Variants in EVI5 observed in about 807,000 individuals in gnomAD.
EVI5 encodes the protein ecotropic viral integration site 5.
Under a neutral mutation model 112.0 loss-of-function variants are expected in EVI5, and 73 were observed. The observed-to-expected ratio is 0.65, with a 90% confidence interval of 0.54 to 0.79. EVI5 has a LOEUF of 0.79. EVI5 is among the 30% of genes least tolerant of loss of function. The probability of loss-of-function intolerance (pLI) is 0.00; values close to 1 mark genes in which losing one functional copy is unlikely to be tolerated. For missense variants in EVI5, 900 were observed against 968.8 expected (o/e 0.93, Z 0.94); for synonymous variants, 305 against 319.9 (o/e 0.95, Z 0.50).
chr1:92,553,394 C>T (rs1010727504), intron 19 of EVI5, among the ~76,000 whole-genome samples: 1 of 151,304 alleles, frequency 6.6e-6, no homozygotes, highest in Non-Finnish European at 1.5e-5. Context: ...CCTCTGCCTC[C>T]TGGGTTCAAG....
chr1:92,700,918 T>C (rs747597199), intron 5 of EVI5: 1 of 152,224 alleles, frequency 6.6e-6, no homozygotes, highest in Non-Finnish European at 1.5e-5. Flanking sequence ...GCTACGATAC[T>C]GCCACTGCGC....
intron 19 of EVI5, among the ~76,000 whole-genome samples, chr1:92,562,300 C>A (rs1289637336): frequency 1.3e-5 from 2 of 152,048 alleles, no homozygotes; most frequent in Non-Finnish European, 2.9e-5. Context: ...GAGGCTGAGA[C>A]GGGCGGATCA....
At chr1:92,713,932 A>C in intron 2 of EVI5, 1 of 733,020 alleles carries the variant, frequency 1.4e-6, no homozygotes, top group Non-Finnish European at 1.7e-6. Context: ...TGGCTCACTC[A>C]AAATTTAAAT....
At chr1:92,515,445 A>G (rs568472676) in intron 19 of EVI5, among the ~76,000 whole-genome samples, 1 of 152,190 alleles carries the variant, frequency 6.6e-6, no homozygotes, top group Non-Finnish European at 1.5e-5. Context: ...TCTGCCCTCA[A>G]GAGTTTATGT....
At chr1:92,635,740 G>A (rs1422218782) in intron 14 of EVI5, among the ~76,000 whole-genome samples, 1 of 152,060 alleles carries the variant, frequency 6.6e-6, no homozygotes, top group African/African-American at 2.4e-5. Flanking sequence ...CTTCTGCGTC[G>A]CTCACACTGG....
At chr1:92,635,175 C>T (rs75862081) in intron 14 of EVI5, among the ~76,000 whole-genome samples, 12 of 152,290 alleles carry the variant, frequency 7.9e-5, no homozygotes, top group Admixed American at 3.9e-4. Context: ...TCTCAAGCTG[C>T]GTGCTGGGAG....
chr1:92,645,942 T>C (rs950639397), intron 13 of EVI5, among the ~76,000 whole-genome samples: 1 of 152,142 alleles, frequency 6.6e-6, no homozygotes, highest in Non-Finnish European at 1.5e-5. Flanking sequence ...ACAACTCTGA[T>C]CAAGACATGC....
At chr1:92,687,455 A>C (rs1171671073) in intron 9 of EVI5, among the ~76,000 whole-genome samples, 2 of 152,230 alleles carry the variant, frequency 1.3e-5, no homozygotes, top group Non-Finnish European at 2.9e-5. Context: ...AAACCTAGGC[A>C]GTACCATTCA....
rs373980921 is a variant in EVI5 at position 92,542,655 on chromosome 1, C to T, written c.2166+20987G>A. 7.2e-5 allele frequency among the ~76,000 whole-genome samples: 11 copies of T among 152,268 alleles called. No individual in the cohort carries two copies. The East Asian group carries it at 1.2e-3, about 16-fold the overall frequency. On this transcript the variant is annotated intron_variant, in intron 19 of 19. Transcript: ENST00000684568. The stretch of plus-strand genomic sequence containing the variant: ...TCTACATCAGCACTTGCTGCTTCAC[C>T]TTGTACTTTTATGTAATGGAGCCTT...
chr1:92,647,076 C>T, intron 13 of EVI5: 2 of 196,304 alleles, frequency 1.0e-5, no homozygotes, highest in South Asian at 1.0e-4. Flanking sequence ...CCTCCTCCTC[C>T]TCCTCTTCCT....
At chr1:92,542,536 G>A (rs1664986653) in intron 19 of EVI5, among the ~76,000 whole-genome samples, 1 of 152,176 alleles carries the variant, frequency 6.6e-6, no homozygotes, top group Admixed American at 6.5e-5. Context: ...CTAGAATGGT[G>A]AACCCTTTGC....
intron 16 of EVI5, among the ~76,000 whole-genome samples, chr1:92,622,130 A>AT (rs1214418160): frequency 0.038 from 1,222 of 32,052 alleles, 21 homozygotes; most frequent in African/African-American, 0.094. Flanking sequence ...AAAAATAAAA[A>AT]TTAAAAAAAA....
chr1:92,730,021 G>A (rs1208490430), intron 2 of EVI5, among the ~76,000 whole-genome samples: 1 of 151,926 alleles, frequency 6.6e-6, no homozygotes, highest in Non-Finnish European at 1.5e-5. Context: ...GGCAAAAAAA[G>A]CATTTGACAA....
intron 9 of EVI5, among the ~76,000 whole-genome samples, chr1:92,682,939 T>C (rs2102369959): frequency 6.6e-6 from 1 of 152,292 alleles, no homozygotes; most frequent in East Asian, 1.9e-4. Flanking sequence ...CAAGTGTAAA[T>C]ATAGTTAAAA....
chr1:92,583,146 G>T (rs1338084335), intron 18 of EVI5, among the ~76,000 whole-genome samples: 1 of 152,056 alleles, frequency 6.6e-6, no homozygotes, highest in African/African-American at 2.4e-5. Context: ...GAATATTCCA[G>T]AGTATAAATA....
rs1685415536 is a variant in EVI5, at chr1:92,784,870, T to C, written c.-116A>G. 19 of 985,186 alleles carry C rather than the reference T, an allele frequency of 1.9e-5. No homozygotes were observed. In the South Asian group the frequency reaches 8.0e-4, roughly 41 times the overall value. The allele number at this position is 985,186 out of a possible 1,614,324, so 61.0% of individuals were successfully genotyped here. A position where few individuals can be genotyped will look rare whatever the true frequency, so the allele number is the denominator to read the frequency against. ...GTTGAGTAGACTTCGCCGTAAACATTAACTTCCCATCCAGCCGGCAGCCGC... is the reference window on the plus strand; with the variant it reads ...GTTGAGTAGACTTCGCCGTAAACATCAACTTCCCATCCAGCCGGCAGCCGC... On this transcript the variant is annotated 5_prime_UTR_variant, in exon 1 of 20. The change abolishes the stop of an existing upstream ORF in the 5' untranslated region. Coordinates refer to ENST00000684568, the MANE Select transcript of EVI5 (RefSeq NM_001350197.2).
At chr1:92,528,000 A>G (rs1267211892) in intron 19 of EVI5, among the ~76,000 whole-genome samples, 3 of 152,194 alleles carry the variant, frequency 2.0e-5, no homozygotes, top group Non-Finnish European at 4.4e-5. Context: ...AATAAAGAAG[A>G]TTTAGTAAAT....
At chr1:92,556,970 C>T (rs1667769287) in intron 19 of EVI5, among the ~76,000 whole-genome samples, 1 of 151,990 alleles carries the variant, frequency 6.6e-6, no homozygotes, top group African/African-American at 2.4e-5. Flanking sequence ...CACTACCATT[C>T]CTGTCTATAT....
At chr1:92,569,072 G>A (rs1356487602) in intron 18 of EVI5, among the ~76,000 whole-genome samples, 1 of 152,156 alleles carries the variant, frequency 6.6e-6, no homozygotes, top group Non-Finnish European at 1.5e-5. Flanking sequence ...ATTCTCTTGT[G>A]GAGCTCTGGT....
Sources: allele counts gnomAD v4.1 joint callset (sites outside exome capture counted in the v4.1 genomes callset), GRCh38; gene constraint gnomAD v4.1.1; transcripts MANE v1.5; gene names NCBI Gene and HGNC (gene_info 2026-07-23, HGNC 2026-07-21).